Variants in MAGI1 observed in about 807,000 individuals in gnomAD.
MAGI1 encodes membrane-associated guanylate kinase, WW and PDZ domain-containing protein 1.
A neutral mutation model predicts 139.9 loss-of-function variants in MAGI1; 58 were observed. The ratio of observed to expected loss-of-function variants is 0.41; its 90% CI spans 0.34 to 0.52. The LOEUF (loss-of-function observed/expected upper bound fraction) is 0.52. Among genes scored for constraint, MAGI1 ranks in the 20% least tolerant of loss-of-function variants. The probability of loss-of-function intolerance (pLI) is 0.12; values close to 1 mark genes in which losing one functional copy is unlikely to be tolerated. For missense variants in MAGI1, 1,874 were observed against 1,901.6 expected (o/e 0.99, Z 0.27); for synonymous variants, 812 against 737.9 (o/e 1.10, Z -1.63).
At chr3:65,698,313 C>T (rs2089358034) in intron 1 of MAGI1, among the ~76,000 whole-genome samples, 1 of 142,278 alleles carries the variant, frequency 7.0e-6, no homozygotes, top group African/African-American at 2.8e-5. Flanking sequence ...AGGTAACTTA[C>T]AGATTCAATG....
At chr3:65,579,112 T>C (rs1032248141) in intron 2 of MAGI1, among the ~76,000 whole-genome samples, 5 of 152,112 alleles carry the variant, frequency 3.3e-5, no homozygotes, top group African/African-American at 7.2e-5. Flanking sequence ...CACATATCCA[T>C]TGTGTATGAA....
chr3:65,375,282 G>A (rs903781579), intron 18 of MAGI1, among the ~76,000 whole-genome samples: 2 of 150,594 alleles, frequency 1.3e-5, no homozygotes, highest in South Asian at 2.1e-4. Flanking sequence ...TCCGCCTCCC[G>A]GGTTCACACC....
intron 1 of MAGI1, among the ~76,000 whole-genome samples, chr3:65,856,021 T>A (rs2059367902): frequency 6.6e-6 from 1 of 152,116 alleles, no homozygotes. Context: ...TGATGATGGA[T>A]GTATTTTAGA....
intron 1 of MAGI1, among the ~76,000 whole-genome samples, chr3:65,672,685 A>G (rs1225741815): frequency 6.6e-6 from 1 of 152,204 alleles, no homozygotes; most frequent in Non-Finnish European, 1.5e-5. Context: ...CTGCTCAGAA[A>G]TTGCATGTTA....
At chr3:65,539,507 G>A (rs1307323824) in intron 2 of MAGI1, among the ~76,000 whole-genome samples, 1 of 152,192 alleles carries the variant, frequency 6.6e-6, no homozygotes, top group Admixed American at 6.5e-5. Context: ...CGTGTTCTCT[G>A]GGACCAAGAA....
At chr3:65,499,411 A>T (rs2076998053) in intron 2 of MAGI1, among the ~76,000 whole-genome samples, 1 of 152,204 alleles carries the variant, frequency 6.6e-6, no homozygotes, top group Non-Finnish European at 1.5e-5. Context: ...ACACTTTGGG[A>T]GGCCGAGGTG....
intron 1 of MAGI1, among the ~76,000 whole-genome samples, chr3:65,759,060 C>G (rs923789645): frequency 3.7e-3 from 323 of 88,168 alleles, no homozygotes; most frequent in Non-Finnish European, 5.2e-3. Context: ...CTGTTAGGCC[C>G]AGTGCAAAAA....
intron 1 of MAGI1, among the ~76,000 whole-genome samples, chr3:65,886,748 C>A (rs1481111034): frequency 6.6e-6 from 1 of 152,180 alleles, no homozygotes; most frequent in Non-Finnish European, 1.5e-5. Flanking sequence ...TGTTACATGG[C>A]TAGACCGTTA....
intron 12 of MAGI1, among the ~76,000 whole-genome samples, chr3:65,426,545 T>C (rs1947056952): frequency 6.6e-6 from 1 of 152,146 alleles, no homozygotes; most frequent in Non-Finnish European, 1.5e-5. Flanking sequence ...GTCATCTTAC[T>C]AGCAGTTACA....
At chr3:65,866,653 T>C (rs6793201) in intron 1 of MAGI1, among the ~76,000 whole-genome samples, 24,829 of 152,014 alleles carry the variant, frequency 0.16, 2,581 homozygotes, top group East Asian at 0.33. Flanking sequence ...GGCTGACATA[T>C]GAATTCCACT....
At chr3:65,656,979 C>CAAAAAAAA (rs58817001) in intron 1 of MAGI1, among the ~76,000 whole-genome samples, 6 of 73,930 alleles carry the variant, frequency 8.1e-5, no homozygotes, top group Admixed American at 1.8e-4. Flanking sequence ...GACACCATCT[C>CAAAAAAAA]AAAAAAAAAA....
chr3:65,593,914 G>A (rs1405575314), intron 2 of MAGI1, among the ~76,000 whole-genome samples: 1 of 152,148 alleles, frequency 6.6e-6, no homozygotes, highest in Non-Finnish European at 1.5e-5. Flanking sequence ...TGCCCTTTCA[G>A]GTCAGATAAT....
At chr3:65,476,609 G>C (rs1441234742) in intron 4 of MAGI1, among the ~76,000 whole-genome samples, 1 of 152,126 alleles carries the variant, frequency 6.6e-6, no homozygotes, top group Non-Finnish European at 1.5e-5. Flanking sequence ...TTAATAAATA[G>C]AGGACAAATA....
At chr3:65,726,280 T>C (rs918694033) in intron 1 of MAGI1, among the ~76,000 whole-genome samples, 4 of 152,158 alleles carry the variant, frequency 2.6e-5, no homozygotes, top group Non-Finnish European at 5.9e-5. Context: ...TATTTCACAA[T>C]GAGAAACTTT....
chr3:65,416,725 G>A (rs954384537), intron 12 of MAGI1, among the ~76,000 whole-genome samples: 4 of 152,118 alleles, frequency 2.6e-5, no homozygotes, highest in African/African-American at 7.2e-5. Context: ...ACAATAAAGG[G>A]CATTTTCCAC....
At chr3:65,365,562 T>A (rs1001610886) in intron 18 of MAGI1, among the ~76,000 whole-genome samples, 4 of 152,348 alleles carry the variant, frequency 2.6e-5, no homozygotes, top group South Asian at 4.1e-4. Flanking sequence ...CTATATGTTC[T>A]TTACTAATAA....
chr3:65,599,267 G>C (rs577569913), intron 2 of MAGI1, among the ~76,000 whole-genome samples: 2 of 152,150 alleles, frequency 1.3e-5, no homozygotes, highest in African/African-American at 4.8e-5. Flanking sequence ...AAAGGTGAGA[G>C]GGCAGTGGGC....
rs114797961 is a variant in MAGI1, at chr3:65,586,131, G to C, written c.430+35841C>G. Among the ~76,000 whole-genome samples the C allele has an allele frequency of 7.4e-3, 1,123 of 152,022 alleles. 17 individuals are homozygous for C. The highest frequency in any genetic ancestry group is 0.026 in the African/African-American group (1,079 of 41,454). On this transcript the variant is annotated intron_variant, in intron 2 of 22. Transcript: ENST00000402939. Reference sequence around the variant, plus strand: ...TGACTGTGGTGAGGGTATCGCTTGAGCCCAGGAGGTTTAGGTTGGAGTGAG... The same window carrying C: ...TGACTGTGGTGAGGGTATCGCTTGACCCCAGGAGGTTTAGGTTGGAGTGAG...
intron 1 of MAGI1, among the ~76,000 whole-genome samples, chr3:65,923,447 G>A (rs905304506): frequency 3.3e-5 from 5 of 151,840 alleles, no homozygotes; most frequent in African/African-American, 9.7e-5. Context: ...GGATGGTCTC[G>A]ATCTCTTGAC....
Sources: allele counts gnomAD v4.1 joint callset (sites outside exome capture counted in the v4.1 genomes callset), GRCh38; gene constraint gnomAD v4.1.1; transcripts MANE v1.5; gene names NCBI Gene and HGNC (gene_info 2026-07-23, HGNC 2026-07-21).